CDH13: variants seen among roughly 807,000 people sequenced by gnomAD.
The protein encoded by CDH13 is cadherin-13.
CDH13 carries 24 observed loss-of-function variants against 63.8 expected under a neutral mutation model. The observed-to-expected ratio is 0.38, with a 90% CI of 0.27 to 0.53. The LOEUF (loss-of-function observed/expected upper bound fraction) is 0.53, where lower values mean the gene tolerates loss of function less well. Among genes scored for constraint, CDH13 ranks in the 20% least tolerant of loss-of-function variants. CDH13 has a pLI of 0.85. For missense variants in CDH13, 1,049 were observed against 903.1 expected, an observed-to-expected ratio of 1.16 and a Z score of -2.07; for synonymous variants, 503 against 355.3, an observed-to-expected ratio of 1.42 and a Z score of -4.67.
At chr16:83,054,180 C>T (rs771691760) in intron 3 of CDH13, among the ~76,000 whole-genome samples, 1 of 152,076 alleles carries the variant, frequency 6.6e-6, no homozygotes, top group Non-Finnish European at 1.5e-5. Flanking sequence ...TTGCACAATG[C>T]CAGAATCAAC....
intron 10 of CDH13, among the ~76,000 whole-genome samples, chr16:83,714,057 G>T (rs890886891): frequency 6.6e-6 from 1 of 152,128 alleles, no homozygotes; most frequent in African/African-American, 2.4e-5. Context: ...GCTGGCCACT[G>T]GCCCCATCCA....
chr16:82,793,020 T>A (rs547312747), intron 1 of CDH13, among the ~76,000 whole-genome samples: 7 of 152,356 alleles, frequency 4.6e-5, no homozygotes, highest in Non-Finnish European at 7.3e-5. Context: ...AGAAGCAGAC[T>A]TGACTTTGGG....
intron 8 of CDH13, among the ~76,000 whole-genome samples, chr16:83,627,617 C>G (rs1910428839): frequency 6.6e-6 from 1 of 152,122 alleles, no homozygotes; most frequent in Non-Finnish European, 1.5e-5. Context: ...GTGGTGCAAT[C>G]TCAACTCACT....
At chr16:82,908,006 C>T (rs1034627565) in intron 2 of CDH13, among the ~76,000 whole-genome samples, 1 of 152,124 alleles carries the variant, frequency 6.6e-6, no homozygotes, top group Non-Finnish European at 1.5e-5. Context: ...AGGAAAGGTA[C>T]ATGTTCTACC....
chr16:83,553,970 C>T (rs555963590), intron 7 of CDH13, among the ~76,000 whole-genome samples: 63 of 152,258 alleles, frequency 4.1e-4, no homozygotes, highest in African/African-American at 1.1e-3. Context: ...TATTTATAAA[C>T]GATTCTGCAG....
chr16:83,188,121 C>T (rs57537400), intron 4 of CDH13, among the ~76,000 whole-genome samples: 22,839 of 152,064 alleles, frequency 0.15, 2,469 homozygotes, highest in African/African-American at 0.31. Context: ...GGACTTTGGC[C>T]TTTATTCTAA....
chr16:83,139,163 C>T (rs906130724), intron 4 of CDH13, among the ~76,000 whole-genome samples: 1 of 152,172 alleles, frequency 6.6e-6, no homozygotes, highest in South Asian at 2.1e-4. Flanking sequence ...CTGTATGTTG[C>T]ATGGAGGTGG....
chr16:83,271,938 A>G (rs951698082), intron 5 of CDH13, among the ~76,000 whole-genome samples: 11 of 152,198 alleles, frequency 7.2e-5, no homozygotes, highest in Non-Finnish European at 1.5e-4. Context: ...GTCACCGGAA[A>G]TTACTTTTGA....
intron 7 of CDH13, among the ~76,000 whole-genome samples, chr16:83,499,452 C>T (rs948096192): frequency 1.3e-5 from 2 of 152,228 alleles, no homozygotes; most frequent in African/African-American, 4.8e-5. Context: ...TTTAACTTCA[C>T]CTTTCACCAG....
At chr16:83,216,437 T>TAA (rs1249830056) in intron 4 of CDH13, among the ~76,000 whole-genome samples, 1,233 of 108,422 alleles carry the variant, frequency 0.011, 81 homozygotes, top group Non-Finnish European at 0.017. Context: ...TATATATATA[T>TAA]ATATATACAC....
At chr16:82,738,280 T>C (rs961780544) in intron 1 of CDH13, among the ~76,000 whole-genome samples, 1 of 152,342 alleles carries the variant, frequency 6.6e-6, no homozygotes, top group Middle Eastern at 3.4e-3. Flanking sequence ...GCCAATATGT[T>C]ATTCTAAAAC....
intron 8 of CDH13, among the ~76,000 whole-genome samples, chr16:83,605,437 G>A (rs150486657): frequency 2.0e-4 from 31 of 152,296 alleles, no homozygotes; most frequent in African/African-American, 7.0e-4. Context: ...GAAGTAAGGA[G>A]GGGGCGCTGG....
chr16:83,125,497 G>T lies in CDH13; in HGVS notation c.479G>T (p.Gly160Val). The T allele has an allele frequency of 6.4e-7, 1 of 1,557,464 alleles. No individual in the cohort carries two copies. Among genetic ancestry groups the T allele is most frequent in the Non-Finnish European group, 8.9e-7 (1 of 1,128,822 alleles). ...AGACAGCCTTTCCCAAGAGATGTTG[G>T]CAAGGTAAGTCAGACAAACAGCAAA... ...NQRQPFPRDV[G>V]KVVDSDRPER... is the part of the protein sequence containing the mutation. The change falls in exon 4 of 14, where the codon GGC (glycine) becomes GTC (valine). Residue 160 changes from glycine to valine, a missense_variant. Gly to Val is a moderately radical substitution (Grantham distance 109). Coordinates refer to ENST00000567109, the MANE Select transcript of CDH13 (RefSeq NM_001257.5).
At chr16:82,782,406 A>C (rs1338634964) in intron 1 of CDH13, among the ~76,000 whole-genome samples, 1 of 152,112 alleles carries the variant, frequency 6.6e-6, no homozygotes, top group African/African-American at 2.4e-5. Flanking sequence ...CTAAAAATAC[A>C]AACATTAGCC....
intron 3 of CDH13, among the ~76,000 whole-genome samples, chr16:83,103,431 A>G (rs1365558692): frequency 2.0e-5 from 3 of 150,940 alleles, no homozygotes; most frequent in Non-Finnish European, 4.4e-5. Context: ...TTTTTAGTAG[A>G]GATGGGGTTT....
chr16:83,742,388 A>C (rs1912152296), intron 10 of CDH13, among the ~76,000 whole-genome samples: 1 of 152,186 alleles, frequency 6.6e-6, no homozygotes, highest in Non-Finnish European at 1.5e-5. Context: ...GCTTCTGTGA[A>C]GCTACATTAC....
intron 3 of CDH13, among the ~76,000 whole-genome samples, chr16:83,087,584 C>T (rs1485365687): frequency 2.1e-5 from 3 of 140,874 alleles, no homozygotes; most frequent in East Asian, 2.3e-4. Flanking sequence ...AGCAGACTCA[C>T]TTGAACGCGG....
chr16:83,014,601 C>T (rs1399190995), intron 2 of CDH13, among the ~76,000 whole-genome samples: 4 of 150,198 alleles, frequency 2.7e-5, no homozygotes, highest in Non-Finnish European at 4.4e-5. Context: ...AGTGGTGGCC[C>T]ATGCCTGTAA....
chr16:82,916,137 C>T (rs2041979517), intron 2 of CDH13, among the ~76,000 whole-genome samples: 1 of 152,070 alleles, frequency 6.6e-6, no homozygotes. Flanking sequence ...AGTTCAATTC[C>T]ATAAAGCAAG....
Sources: allele counts gnomAD v4.1 joint callset (sites outside exome capture counted in the v4.1 genomes callset), GRCh38; gene constraint gnomAD v4.1.1; transcripts MANE v1.5; gene names NCBI Gene and HGNC (gene_info 2026-07-23, HGNC 2026-07-21).